Variants in EBF1 observed in about 807,000 individuals in gnomAD.
EBF1 encodes the protein EBF transcription factor 1.
A neutral mutation model predicts 68.4 loss-of-function variants in EBF1; 10 were observed. That is an observed-to-expected ratio of 0.15 (90% confidence interval 0.09 to 0.25). EBF1 has a LOEUF of 0.25. Among genes scored for constraint, EBF1 ranks in the 10% least tolerant of loss-of-function variants. EBF1 has a pLI of 1.00. For synonymous variants in EBF1, 298 were observed against 299.8 expected (o/e 0.99, Z 0.06); for missense variants, 509 against 794.4 (o/e 0.64, Z 4.32).
chr5:158,969,642 G>A (rs1754957195), intron 6 of EBF1, among the ~76,000 whole-genome samples: 1 of 151,110 alleles, frequency 6.6e-6, no homozygotes, highest in African/African-American at 2.4e-5. Flanking sequence ...GAACATGGTG[G>A]CAGGCACCTG....
rs1323188202 is a variant in EBF1 at position 158,933,622 on chromosome 5, C to T, written c.555-93512G>A. 4.6e-5 allele frequency among the ~76,000 whole-genome samples: 7 copies of T among 152,236 alleles called. No individual in the cohort carries two copies. The East Asian group carries it at 1.3e-3, about 29-fold the overall frequency. On this transcript the variant is annotated intron_variant, in intron 6 of 15. Transcript: ENST00000313708. ...ACAGCTGAGAACAGAGAGACCAGGA[C>T]TTGCATCTTTGTCCTGTTGCTTAGT...
At chr5:158,860,023 T>C (rs370037064) in intron 6 of EBF1, among the ~76,000 whole-genome samples, 12 of 152,370 alleles carry the variant, frequency 7.9e-5, no homozygotes, top group South Asian at 6.2e-4. Flanking sequence ...AGTCTAATAT[T>C]TCACTTTGGG....
chr5:158,761,644 C>T (rs1771480117), intron 10 of EBF1, among the ~76,000 whole-genome samples: 1 of 152,094 alleles, frequency 6.6e-6, no homozygotes, highest in South Asian at 2.1e-4. Flanking sequence ...AAAGTAAAAT[C>T]ATTTGAAGGG....
intron 5 of EBF1, among the ~76,000 whole-genome samples, chr5:159,083,298 T>C (rs1780048705): frequency 6.6e-6 from 1 of 152,208 alleles, no homozygotes; most frequent in Non-Finnish European, 1.5e-5. Context: ...TTCTGAAAGG[T>C]GCAACTCAGC....
intron 11 of EBF1, among the ~76,000 whole-genome samples, chr5:158,722,729 T>G (rs986650211): frequency 6.6e-6 from 1 of 152,222 alleles, no homozygotes. Flanking sequence ...TGAGTATAAC[T>G]GCAATTAAAA....
intron 7 of EBF1, among the ~76,000 whole-genome samples, chr5:158,830,587 C>T (rs1787334603): frequency 1.3e-5 from 2 of 152,136 alleles, no homozygotes; most frequent in Admixed American, 1.3e-4. Flanking sequence ...TTTCAGTACA[C>T]AGTCCTGGCT....
At chr5:158,763,878 G>T (rs1223920376) in intron 10 of EBF1, among the ~76,000 whole-genome samples, 1 of 152,100 alleles carries the variant, frequency 6.6e-6, no homozygotes, top group African/African-American at 2.4e-5. Flanking sequence ...CCTTATCTGA[G>T]CCTCAGCTGC....
At chr5:158,704,992 T>G (rs533301166) in intron 15 of EBF1, among the ~76,000 whole-genome samples, 2 of 152,338 alleles carry the variant, frequency 1.3e-5, no homozygotes, top group South Asian at 4.1e-4. Context: ...AAAAACCATT[T>G]TCTTTCTTTC....
chr5:158,774,079 T>C (rs555211024), intron 10 of EBF1, among the ~76,000 whole-genome samples: 80 of 152,324 alleles, frequency 5.3e-4, no homozygotes, highest in Non-Finnish European at 9.9e-4. Context: ...ATCTAGAAAG[T>C]GCTATTGAGC....
At chr5:158,935,904 A>T (rs1005936014) in intron 6 of EBF1, among the ~76,000 whole-genome samples, 5 of 152,204 alleles carry the variant, frequency 3.3e-5, no homozygotes, top group African/African-American at 1.2e-4. Context: ...TTCATATTTC[A>T]TTTTTATTCA....
chr5:158,844,017 G>A (rs575731489), intron 6 of EBF1, among the ~76,000 whole-genome samples: 10 of 152,114 alleles, frequency 6.6e-5, no homozygotes, highest in East Asian at 5.8e-4. Context: ...TTTGTGAGGC[G>A]GGTGTGTTTG....
chr5:158,718,872 C>G (rs1761319335), intron 11 of EBF1, among the ~76,000 whole-genome samples: 1 of 152,160 alleles, frequency 6.6e-6, no homozygotes, highest in Non-Finnish European at 1.5e-5. Context: ...CTGCTCTGAT[C>G]TGAAGTGTGT....
intron 8 of EBF1, among the ~76,000 whole-genome samples, chr5:158,806,242 G>C (rs1266223706): frequency 1.3e-5 from 2 of 152,092 alleles, no homozygotes; most frequent in African/African-American, 2.4e-5. Context: ...GGTGGAGAGG[G>C]CCAGTGACAA....
intron 12 of EBF1, 82 bp downstream of exon 12, chr5:158,714,035 G>C: frequency 2.1e-6 from 3 of 1,433,352 alleles, no homozygotes; most frequent in Non-Finnish European, 2.9e-6. Context: ...TATATTGTTT[G>C]TGCTTTCTCA....
At chr5:158,701,386 G>A (rs1756741818) in intron 15 of EBF1, among the ~76,000 whole-genome samples, 1 of 152,048 alleles carries the variant, frequency 6.6e-6, no homozygotes, top group Non-Finnish European at 1.5e-5. Flanking sequence ...AATCTAAGCA[G>A]GCTTTTGGTA....
chr5:158,814,625 C>T (rs1163264107), intron 8 of EBF1, among the ~76,000 whole-genome samples: 1 of 152,174 alleles, frequency 6.6e-6, no homozygotes, highest in East Asian at 1.9e-4. Context: ...GGTTTACAAA[C>T]TCTTCAGTAT....
chr5:159,063,546 G>A (rs1246587996), intron 6 of EBF1, among the ~76,000 whole-genome samples: 1 of 152,134 alleles, frequency 6.6e-6, no homozygotes, highest in Non-Finnish European at 1.5e-5. Flanking sequence ...TCAACCCTGA[G>A]ACACTGAGAA....
intron 7 of EBF1, among the ~76,000 whole-genome samples, chr5:158,828,062 G>GT (rs1786599007): frequency 6.6e-6 from 1 of 152,064 alleles, no homozygotes. Flanking sequence ...TAACCTCTCT[G>GT]TTTTTTGCTT....
Position 158,708,037 on chromosome 5 carries a change from G to A in EBF1, c.1686C>T (p.Val562=), listed in dbSNP as rs769398034. 5.8e-6 allele frequency: 9 copies of A among 1,553,260 alleles called. No homozygotes were observed. In the South Asian group the frequency reaches 1.1e-4, roughly 18 times the overall value. Residue 562 remains valine, a synonymous_variant, in exon 15 of 16, where the codon GTC becomes GTT. Transcript: ENST00000313708. ...VKQKSAFAPV[V]RPQTSPPPTC... ...TGGGAGGTGGGGAGGTCTGGGGTCT[G>A]ACGACTGGTGCGAAAGCACTCTTCT...
Sources: gnomAD v4.1 joint callset for allele counts (sites outside exome capture counted in the v4.1 genomes callset) on GRCh38, gnomAD v4.1.1 for gene constraint, MANE v1.5 for transcripts, NCBI Gene and HGNC (gene_info 2026-07-23, HGNC 2026-07-21) for gene names.